The following PCDHGA8 variants were observed in gnomAD, a reference collection of about 807,000 sequenced individuals.
PCDHGA8 encodes protocadherin gamma subfamily A, 8.
PCDHGA8 carries 45 observed loss-of-function variants against 59.2 expected under a neutral mutation model. That is an observed-to-expected ratio of 0.76 (90% CI 0.60 to 0.98). The LOEUF (loss-of-function observed/expected upper bound fraction) is 0.98. Among genes scored for constraint, PCDHGA8 ranks in the 50% least tolerant of loss-of-function variants. The pLI is 0.00. For missense variants in PCDHGA8, 1,257 were observed against 1,196.2 expected, an observed-to-expected ratio of 1.05 and a Z score of -0.75; for synonymous variants, 531 against 519.0, an observed-to-expected ratio of 1.02 and a Z score of -0.32.
rs758868753 is a variant in PCDHGA8 at position 141,393,021 on chromosome 5, G to A, written c.208G>A (p.Gly70Ser). Residue 70 changes from glycine to serine, a missense_variant, in exon 1 of 4, where the codon GGT becomes AGT. By Grantham distance (56) the Gly-to-Ser change is moderately conservative. Transcript: ENST00000398604. ...GCACGGAGTCCGTATCGTCTCCAGA[G>A]GTAGGACGCAGCTCTTTGCTCTGAA... is the stretch of plus-strand genomic sequence containing the variant. ...AKHGVRIVSRGRTQLFALNPR... is the reference protein window; with the variant it reads ...AKHGVRIVSRSRTQLFALNPR... 6.2e-7 allele frequency: 1 copy of A among 1,613,850 alleles called. No homozygotes were observed. The highest frequency in any genetic ancestry group is 8.5e-7 in the Non-Finnish European group (1 of 1,179,882).
chr5:141,439,162 C>T (rs1422780686), intron 1 of PCDHGA8, among the ~76,000 whole-genome samples: 1 of 149,498 alleles, frequency 6.7e-6, no homozygotes, highest in Non-Finnish European at 1.5e-5. Flanking sequence ...CACTGCACTC[C>T]AGCCTGGGCG....
intron 1 of PCDHGA8, chr5:141,409,843 C>G: frequency 6.2e-7 from 1 of 1,611,804 alleles, no homozygotes; most frequent in Non-Finnish European, 8.5e-7. Context: ...CCAACGTGAG[C>G]CTGCGCGTGT....
intron 1 of PCDHGA8, among the ~76,000 whole-genome samples, chr5:141,472,725 C>T (rs1250092748): frequency 6.6e-6 from 1 of 152,022 alleles, no homozygotes; most frequent in Non-Finnish European, 1.5e-5. Flanking sequence ...GTGGCTCACA[C>T]CTGTAATCCC....
At chr5:141,434,515 G>A (rs1032584764) in intron 1 of PCDHGA8, among the ~76,000 whole-genome samples, 1 of 152,296 alleles carries the variant, frequency 6.6e-6, no homozygotes, top group African/African-American at 2.4e-5. Context: ...CTGCTTAAAG[G>A]TGTTCTTAAA....
intron 1 of PCDHGA8, chr5:141,419,490 C>G (rs2096390495): frequency 8.1e-6 from 13 of 1,612,414 alleles, no homozygotes; most frequent in Non-Finnish European, 1.1e-5. Context: ...GCGCTCAGCG[C>G]CAATGTGAGC....
chr5:141,433,042 G>C (rs752612411), intron 1 of PCDHGA8: 6 of 1,614,142 alleles, frequency 3.7e-6, no homozygotes, highest in Non-Finnish European at 5.1e-6. Flanking sequence ...CCCTCACCAC[G>C]GACTCGCGGA....
intron 1 of PCDHGA8, among the ~76,000 whole-genome samples, chr5:141,443,654 G>A (rs2098397947): frequency 6.6e-6 from 1 of 152,150 alleles, no homozygotes; most frequent in Non-Finnish European, 1.5e-5. Context: ...TGTTAGCATA[G>A]CATTTTACTG....
At chr5:141,492,382 T>C (rs71583650) in intron 1 of PCDHGA8, among the ~76,000 whole-genome samples, 2,103 of 152,322 alleles carry the variant, frequency 0.014, 36 homozygotes, top group African/African-American at 0.031. Flanking sequence ...ACAGGCCTGT[T>C]CCGGTCCACT....
chr5:141,443,820 T>C (rs1329478151), intron 1 of PCDHGA8, among the ~76,000 whole-genome samples: 1 of 151,986 alleles, frequency 6.6e-6, no homozygotes. Flanking sequence ...TTGGAAAACA[T>C]AATTAGGTAA....
chr5:141,411,868 A>G (rs2095520425), intron 1 of PCDHGA8: 1 of 152,224 alleles, frequency 6.6e-6, no homozygotes, highest in South Asian at 2.1e-4. Flanking sequence ...TCAAAAAAAA[A>G]AGACATTTCT....
At chr5:141,422,957 A>C in intron 1 of PCDHGA8, 1 of 1,614,190 alleles carries the variant, frequency 6.2e-7, no homozygotes. Flanking sequence ...ACTGGCGTGG[A>C]GCTGGCGCCC....
At position 141,485,683 on chromosome 5, in the gene PCDHGA8, T is replaced by C. The variant is rs2099617681; in HGVS notation, c.2425-9124T>C. ...TGGGGAGCAATTCGATTAGCAGCTA[T>C]AGGCTGAGCTCCAATGAACACTTTG... On this transcript the variant is annotated intron_variant, in intron 1 of 3. Coordinates refer to ENST00000398604, the MANE Select transcript of PCDHGA8 (RefSeq NM_032088.2). This position sits in a 1 kb window ranked among gnomAD's most constrained non-coding sequence, Gnocchi z 5.7. 3.7e-6 allele frequency: 6 copies of C among 1,614,042 alleles called. No individual in the cohort carries two copies. The South Asian group carries it at 4.4e-5, about 12-fold the overall frequency.
At chr5:141,465,905 G>C (rs938438286) in intron 1 of PCDHGA8, among the ~76,000 whole-genome samples, 8 of 151,958 alleles carry the variant, frequency 5.3e-5, no homozygotes, top group Non-Finnish European at 8.8e-5. Context: ...GGCAAATCAC[G>C]AGGTCAGGAT....
chr5:141,403,623 G>A (rs765775423), intron 1 of PCDHGA8: 1 of 1,613,898 alleles, frequency 6.2e-7, no homozygotes, highest in South Asian at 1.1e-5. Context: ...CGTCGCTCCA[G>A]CACAGTGCGC....
At chr5:141,459,829 G>A in intron 1 of PCDHGA8, among the ~76,000 whole-genome samples, 1 of 152,178 alleles carries the variant, frequency 6.6e-6, no homozygotes, top group East Asian at 1.9e-4. Flanking sequence ...AACTTTTCAT[G>A]TGTTGTCTAT....
At chr5:141,506,609 T>C (rs1375963880) in intron 3 of PCDHGA8, among the ~76,000 whole-genome samples, 1 of 152,184 alleles carries the variant, frequency 6.6e-6, no homozygotes, top group African/African-American at 2.4e-5. Context: ...GATCTCATTG[T>C]GGTGTTACCA....
intron 1 of PCDHGA8, among the ~76,000 whole-genome samples, chr5:141,435,833 A>G (rs1354866725): frequency 6.6e-6 from 1 of 152,112 alleles, no homozygotes; most frequent in Non-Finnish European, 1.5e-5. Flanking sequence ...TTTGCTGCCT[A>G]TCTACTTTGA....
intron 1 of PCDHGA8, 144 bp from the exon 2 acceptor site, chr5:141,494,663 G>A: frequency 6.7e-7 from 1 of 1,499,356 alleles, no homozygotes; most frequent in Non-Finnish European, 9.0e-7. Flanking sequence ...TGTCTTTGGA[G>A]ATGAGTCCAC....
intron 3 of PCDHGA8, among the ~76,000 whole-genome samples, chr5:141,506,484 C>T (rs1489425559): frequency 6.6e-6 from 1 of 150,566 alleles, no homozygotes; most frequent in Non-Finnish European, 1.5e-5. Context: ...GCTTTAGAGG[C>T]AGGCCAATCT....
Sources: gnomAD v4.1 joint callset for allele counts (sites outside exome capture counted in the v4.1 genomes callset) on GRCh38, gnomAD v4.1.1 for gene constraint, Gnocchi (gnomAD v3.1) non-coding constraint, MANE v1.5 for transcripts, NCBI Gene and HGNC (gene_info 2026-07-23, HGNC 2026-07-21) for gene names.